Variants in TARBP1 observed in about 807,000 individuals in gnomAD.
TARBP1 encodes the protein tRNA guanosine 2 -O-methyltransferase TARBP1, also known as tRNA (guanosine(18)-2'-O)-methyltransferase TARBP1.
In TARBP1, 144 loss-of-function variants were observed where a neutral mutation model predicts 178.6. The ratio of observed to expected loss-of-function variants is 0.81; its 90% confidence interval spans 0.70 to 0.93. The LOEUF (loss-of-function observed/expected upper bound fraction) is 0.93. Ranked by LOEUF, TARBP1 falls within the 40% of genes least tolerant of loss-of-function variation. The probability of loss-of-function intolerance (pLI) is 0.00; values close to 1 mark genes in which losing one functional copy is unlikely to be tolerated. For missense variants in TARBP1, 2,067 were observed against 2,011.7 expected (o/e 1.03, Z -0.53); for synonymous variants, 787 against 781.0 (o/e 1.01, Z -0.13).
chr1:234,457,964 A>C (rs1226112615), intron 8 of TARBP1, among the ~76,000 whole-genome samples: 1 of 152,078 alleles, frequency 6.6e-6, no homozygotes, highest in Non-Finnish European at 1.5e-5. Context: ...ATACCATGTT[A>C]ACTTAAAATT....
intron 22 of TARBP1, among the ~76,000 whole-genome samples, chr1:234,413,966 A>G (rs1662139929): frequency 6.6e-6 from 1 of 152,208 alleles, no homozygotes; most frequent in Non-Finnish European, 1.5e-5. Flanking sequence ...GGTGGTATTC[A>G]CTAGAGTAGG....
intron 25 of TARBP1, among the ~76,000 whole-genome samples, chr1:234,399,515 A>C (rs1216987625): frequency 6.6e-6 from 1 of 152,156 alleles, no homozygotes; most frequent in Non-Finnish European, 1.5e-5. Flanking sequence ...ATACCATTTG[A>C]CCCAGCCATC....
At chr1:234,412,195 A>T (rs1661894369) in intron 22 of TARBP1, among the ~76,000 whole-genome samples, 1 of 152,162 alleles carries the variant, frequency 6.6e-6, no homozygotes, top group Non-Finnish European at 1.5e-5. Context: ...AGGCCGAGGC[A>T]GGTGGATCAC....
intron 13 of TARBP1, among the ~76,000 whole-genome samples, chr1:234,435,730 G>A (rs970783690): frequency 3.3e-5 from 5 of 152,198 alleles, no homozygotes; most frequent in African/African-American, 4.8e-5. Context: ...TGGAAATTGA[G>A]AGCATTCCAG....
intron 21 of TARBP1, among the ~76,000 whole-genome samples, chr1:234,420,250 T>C (rs1391352950): frequency 4.6e-5 from 7 of 152,210 alleles, no homozygotes; most frequent in Non-Finnish European, 1.0e-4. Context: ...ACACTATTCA[T>C]GAAGTTAAGG....
intron 1 of TARBP1, among the ~76,000 whole-genome samples, chr1:234,477,922 C>G (rs1039693652): frequency 1.3e-5 from 2 of 152,216 alleles, no homozygotes; most frequent in Non-Finnish European, 2.9e-5. Context: ...TCTTCCTAAA[C>G]TATTCCAGGG....
At chr1:234,414,786 A>G (rs1022943370) in intron 22 of TARBP1, among the ~76,000 whole-genome samples, 1 of 152,138 alleles carries the variant, frequency 6.6e-6, no homozygotes, top group African/African-American at 2.4e-5. Flanking sequence ...GGAGTTCAAG[A>G]CCAGCCTGGC....
chr1:234,471,401 C>G, intron 2 of TARBP1, 144 bp from the exon 3 acceptor site: 2 of 623,804 alleles, frequency 3.2e-6, no homozygotes, highest in South Asian at 2.1e-5. Context: ...GTTTTTCAAA[C>G]AATAGTATGA....
intron 12 of TARBP1, among the ~76,000 whole-genome samples, chr1:234,439,811 G>C (rs1392141569): frequency 1.3e-5 from 2 of 152,078 alleles, no homozygotes; most frequent in African/African-American, 4.8e-5. Context: ...GGGCAACAGA[G>C]ATTTCAAAGT....
intron 26 of TARBP1, among the ~76,000 whole-genome samples, chr1:234,394,223 G>C (rs907941128): frequency 6.6e-5 from 10 of 152,134 alleles, no homozygotes; most frequent in African/African-American, 2.4e-4. Context: ...CAGTATATTA[G>C]ATTGGGATTT....
rs746087038 is a variant in TARBP1, at chr1:234,429,415, C to T, written c.2871+1G>A. On this transcript the variant is annotated splice_donor_variant, in intron 16 of 29. Coordinates refer to ENST00000040877, the MANE Select transcript of TARBP1 (RefSeq NM_005646.4). LOFTEE classifies it high-confidence loss of function. ...TCAATTCATGTTTCACTCTATCTTA[C>T]CTTGGGAACCAACACTTTCAAGCAA... The T allele has an allele frequency of 1.7e-5, 27 of 1,608,330 alleles. No individual in the cohort carries two copies. In the East Asian group the frequency reaches 5.6e-4, roughly 33 times the overall value.
intron 28 of TARBP1, chr1:234,392,772 G>A (rs533302943): frequency 5.3e-5 from 15 of 282,398 alleles, no homozygotes; most frequent in African/African-American, 1.8e-4. Context: ...GTGCAGTGGC[G>A]CGATCTTGGC....
chr1:234,474,048 C>T (rs1427308032), intron 1 of TARBP1, among the ~76,000 whole-genome samples: 1 of 151,962 alleles, frequency 6.6e-6, no homozygotes, highest in Non-Finnish European at 1.5e-5. Flanking sequence ...TGAGACCAGC[C>T]TGGTACAACA....
At chr1:234,398,579 AT>A in intron 25 of TARBP1, 26 bp from the exon 26 acceptor site, 1 of 1,503,696 alleles carries the variant, frequency 6.7e-7, no homozygotes, top group Non-Finnish European at 9.0e-7. Flanking sequence ...TAAAATCTAA[AT>A]TTCTTCCCTT....
At chr1:234,415,877 C>T (rs79993117) in intron 22 of TARBP1, among the ~76,000 whole-genome samples, 3 of 152,312 alleles carry the variant, frequency 2.0e-5, no homozygotes, top group South Asian at 4.1e-4. Context: ...GTAGCTTTCC[C>T]GGTGTTCTGT....
At chr1:234,465,800 G>A in intron 4 of TARBP1, 92 bp from the exon 5 acceptor site, 1 of 1,176,148 alleles carries the variant, frequency 8.5e-7, no homozygotes, top group Non-Finnish European at 1.2e-6. Context: ...TCCTACACAG[G>A]CTTACAGAAG....
At chr1:234,450,627 T>C in intron 9 of TARBP1, 61 bp from the exon 10 acceptor site, 2 of 1,556,858 alleles carry the variant, frequency 1.3e-6, no homozygotes, top group Non-Finnish European at 8.7e-7. Context: ...GGATTTCTAA[T>C]CTCCTTAAGC....
At position 234,406,111 on chromosome 1, in the gene TARBP1, G is replaced by A. The variant is rs1394117988; in HGVS notation, c.3793-12C>T. 2 of 1,610,574 alleles carry A rather than the reference G, an allele frequency of 1.2e-6. No homozygotes were observed. The highest frequency in any genetic ancestry group is 1.7e-5 in the Admixed American group (1 of 59,094). On this transcript the variant is annotated splice_polypyrimidine_tract_variant and intron_variant, in intron 23 of 29. Coordinates refer to ENST00000040877, the MANE Select transcript of TARBP1 (RefSeq NM_005646.4). ...TTCAGAATTAGTTTCTGAAAAGAAA[G>A]GCAAAAAATTCCTCAAAACACAGAC...
intron 26 of TARBP1, among the ~76,000 whole-genome samples, chr1:234,395,806 C>G (rs939610435): frequency 6.6e-6 from 1 of 151,930 alleles, no homozygotes; most frequent in East Asian, 1.9e-4. Context: ...AGAGGTTGGT[C>G]AGAAGGTACA....
Sources: gnomAD v4.1 joint callset for allele counts (sites outside exome capture counted in the v4.1 genomes callset) on GRCh38, gnomAD v4.1.1 for gene constraint, MANE v1.5 for transcripts, NCBI Gene and HGNC (gene_info 2026-07-23, HGNC 2026-07-21) for gene names.